RANBP3L: variants seen among roughly 807,000 people sequenced by gnomAD.
The protein encoded by RANBP3L is ran-binding protein 3-like.
A neutral mutation model predicts 67.2 loss-of-function variants in RANBP3L; 56 were observed. The observed-to-expected ratio is 0.83, with a 90% confidence interval of 0.67 to 1.04. The LOEUF is 1.04. Among genes scored for constraint, RANBP3L ranks in the 50% least tolerant of loss-of-function variants. The probability of loss-of-function intolerance (pLI) is 0.00; values close to 1 mark genes in which losing one functional copy is unlikely to be tolerated. For synonymous variants in RANBP3L, 164 were observed against 181.4 expected (o/e 0.90, Z 0.77); for missense variants, 496 against 535.5 (o/e 0.93, Z 0.73).
chr5:36,268,860 C>T (rs1750001836), intron 4 of RANBP3L, among the ~76,000 whole-genome samples: 1 of 152,050 alleles, frequency 6.6e-6, no homozygotes. Context: ...AGGCACCTGC[C>T]ACCATGCCCA....
At chr5:36,253,546 A>G (rs965351136) in intron 12 of RANBP3L, 101 bp downstream of exon 12, 1 of 926,532 alleles carries the variant, frequency 1.1e-6, no homozygotes, top group African/African-American at 1.7e-5. Flanking sequence ...AGTTTTTGCC[A>G]ATGGTACAGA....
Position 36,276,481 on chromosome 5 carries a change from G to T in RANBP3L, c.92-5170C>A, listed in dbSNP as rs72744593. ...AATTTGAAAATTAAATTTTATCATA[G>T]GTATGTATAGGGGAAAAAAAATTCA... On this transcript the variant is annotated intron_variant, in intron 1 of 13. Transcript: ENST00000296604. Among the ~76,000 whole-genome samples the T allele has an allele frequency of 2.5e-3, 308 of 122,268 alleles. 10 individuals are homozygous for T. The East Asian group carries it at 0.044, about 17-fold the overall frequency. 80.2% of individuals were successfully genotyped at this position (122,268 alleles called of 152,430 possible).
chr5:36,286,760 A>G (rs990227518), intron 1 of RANBP3L, among the ~76,000 whole-genome samples: 2 of 152,164 alleles, frequency 1.3e-5, no homozygotes, highest in African/African-American at 4.8e-5. Flanking sequence ...ACCAAGTGTG[A>G]TTTCTAAAAC....
Position 36,252,591 on chromosome 5 carries a change from T to C in RANBP3L, c.1167+1056A>G, listed in dbSNP as rs566710760. Among the ~76,000 whole-genome samples, 7 of 152,252 alleles carry C rather than the reference T, an allele frequency of 4.6e-5. No homozygotes were observed. In the East Asian group the frequency reaches 1.3e-3, roughly 29 times the overall value. ...GCTATGCTACATATATGTATGTATGTATATTCTTACACACAGTTGTATGTG... is the reference window on the plus strand; with the variant it reads ...GCTATGCTACATATATGTATGTATGCATATTCTTACACACAGTTGTATGTG... On this transcript the variant is annotated intron_variant, in intron 12 of 13. Transcript: ENST00000296604.
chr5:36,269,931 T>C lies in RANBP3L; in HGVS notation c.190+20A>G, dbSNP rs747731664. ...GTTTGTATAAAGATTGATTTTGGAA[T>C]ACAGGATGAAAATCATTACCTGGTT... On this transcript the variant is annotated intron_variant, in intron 3 of 13. Coordinates refer to ENST00000296604, the MANE Select transcript of RANBP3L (RefSeq NM_145000.5). 6.2e-7 allele frequency: 1 copy of C among 1,603,262 alleles called. No homozygotes were observed. Among genetic ancestry groups the C allele is most frequent in the Admixed American group, 1.7e-5 (1 of 60,022 alleles).
intron 1 of RANBP3L, among the ~76,000 whole-genome samples, chr5:36,277,253 C>T (rs1423244103): frequency 6.6e-6 from 1 of 152,082 alleles, no homozygotes; most frequent in Admixed American, 6.6e-5. Context: ...CCCCAATCTC[C>T]AGGACTTTCC....
chr5:36,292,008 G>T (rs1751819365), intron 1 of RANBP3L, among the ~76,000 whole-genome samples: 1 of 132,062 alleles, frequency 7.6e-6, no homozygotes, highest in Non-Finnish European at 1.6e-5. Context: ...CTAGTTTACA[G>T]TCCCACCAAC....
intron 1 of RANBP3L, among the ~76,000 whole-genome samples, chr5:36,295,708 C>T (rs1190020850): frequency 7.0e-6 from 1 of 143,788 alleles, no homozygotes; most frequent in Non-Finnish European, 1.5e-5. Flanking sequence ...AGTAGCCATC[C>T]TAATATTTGT....
At chr5:36,278,721 G>C (rs1750768102) in intron 1 of RANBP3L, among the ~76,000 whole-genome samples, 1 of 152,128 alleles carries the variant, frequency 6.6e-6, no homozygotes, top group Non-Finnish European at 1.5e-5. Context: ...CTAAGTACTT[G>C]CAAAGAAATC....
At chr5:36,260,172 T>C (rs1273023762) in intron 8 of RANBP3L, among the ~76,000 whole-genome samples, 1 of 146,564 alleles carries the variant, frequency 6.8e-6, no homozygotes, top group Non-Finnish European at 1.5e-5. Context: ...GCTAAGACAG[T>C]GAAACCCCAT....
rs1276517049 is a variant in RANBP3L at position 36,260,360 on chromosome 5, CAA to C, written c.669+418_669+419del. ...TGGGTGACAGAGCGAGACTCTGTCT[CAA>C]AAAAAAAAAAAAAAAAAACCAAACT... is the stretch of plus-strand genomic sequence containing the variant. On this transcript the variant is annotated intron_variant, in intron 8 of 13. Transcript: ENST00000296604. 1.1e-4 allele frequency among the ~76,000 whole-genome samples: 9 copies of C among 79,024 alleles called. No homozygotes were observed. In the South Asian group the frequency reaches 1.6e-3, roughly 14 times the overall value. The allele number at this position is 79,024 out of a possible 152,430, so 51.8% of individuals were successfully genotyped here.
At chr5:36,283,325 C>T (rs141969226) in intron 1 of RANBP3L, among the ~76,000 whole-genome samples, 7,201 of 149,614 alleles carry the variant, frequency 0.048, 590 homozygotes, top group East Asian at 0.37. Flanking sequence ...CCCAAAGTGC[C>T]GGGATTACAG....
At chr5:36,270,667 T>C (rs1750141240) in intron 2 of RANBP3L, among the ~76,000 whole-genome samples, 1 of 152,106 alleles carries the variant, frequency 6.6e-6, no homozygotes, top group Admixed American at 6.5e-5. Flanking sequence ...ACTAATTTCT[T>C]TTTATTTTTT....
At chr5:36,280,437 A>G (rs1030574724) in intron 1 of RANBP3L, among the ~76,000 whole-genome samples, 1 of 152,192 alleles carries the variant, frequency 6.6e-6, no homozygotes, top group African/African-American at 2.4e-5. Context: ...TTCAGCAGCA[A>G]TAATTCAATT....
At chr5:36,251,874 T>G (rs1748619168) in intron 12 of RANBP3L, among the ~76,000 whole-genome samples, 2 of 152,156 alleles carry the variant, frequency 1.3e-5, no homozygotes, top group South Asian at 4.1e-4. Flanking sequence ...ATCACTTTGC[T>G]TGGACATTCC....
chr5:36,264,741 TCAACTTTA>T (rs1749633908), intron 6 of RANBP3L, among the ~76,000 whole-genome samples: 1 of 152,174 alleles, frequency 6.6e-6, no homozygotes, highest in Non-Finnish European at 1.5e-5. Flanking sequence ...TACCCAGTAC[TCAACTTTA>T]CAACTTTAGA....
chr5:36,279,861 G>A (rs1169782406), intron 1 of RANBP3L, among the ~76,000 whole-genome samples: 2 of 151,964 alleles, frequency 1.3e-5, no homozygotes, highest in African/African-American at 4.8e-5. Flanking sequence ...AGAGAAAAAA[G>A]AATCAACATG....
intron 4 of RANBP3L, among the ~76,000 whole-genome samples, chr5:36,265,834 G>A (rs888440435): frequency 6.6e-6 from 1 of 152,104 alleles, no homozygotes; most frequent in African/African-American, 2.4e-5. Context: ...ATAATGAGCC[G>A]GGCGTGGTGG....
At chr5:36,298,426 G>T (rs1454902889) in intron 1 of RANBP3L, among the ~76,000 whole-genome samples, 5 of 152,306 alleles carry the variant, frequency 3.3e-5, no homozygotes, top group South Asian at 4.1e-4. Flanking sequence ...TAGGCTGGCT[G>T]GGGAAAGGCC....
Sources: allele counts gnomAD v4.1 joint callset (sites outside exome capture counted in the v4.1 genomes callset), GRCh38; gene constraint gnomAD v4.1.1; transcripts MANE v1.5; gene names NCBI Gene and HGNC (gene_info 2026-07-23, HGNC 2026-07-21).